OSBPL10: variants seen among roughly 807,000 people sequenced by gnomAD.
OSBPL10 encodes oxysterol-binding protein-related protein 10.
Under a neutral mutation model 81.7 loss-of-function variants are expected in OSBPL10, and 49 were observed. That is an observed-to-expected ratio of 0.60 (90% CI 0.48 to 0.76). OSBPL10 has a LOEUF of 0.76. OSBPL10 is among the 30% of genes least tolerant of loss of function. The probability of loss-of-function intolerance (pLI) is 0.00; values close to 1 mark genes in which losing one functional copy is unlikely to be tolerated. For synonymous variants in OSBPL10, 419 were observed against 383.6 expected (o/e 1.09, Z -1.08); for missense variants, 923 against 987.8 (o/e 0.93, Z 0.88).
intron 1 of OSBPL10, among the ~76,000 whole-genome samples, chr3:31,882,905 T>C (rs928934111): frequency 6.6e-6 from 1 of 152,186 alleles, no homozygotes; most frequent in African/African-American, 2.4e-5. Context: ...TATTTTCAGA[T>C]CCTTCTACTT....
At chr3:31,787,965 T>C (rs1343172356) in intron 4 of OSBPL10, among the ~76,000 whole-genome samples, 1 of 151,990 alleles carries the variant, frequency 6.6e-6, no homozygotes, top group Non-Finnish European at 1.5e-5. Context: ...AATGGAAACA[T>C]ATATTAAGTA....
chr3:31,827,822 T>C (rs1039507012), intron 4 of OSBPL10, among the ~76,000 whole-genome samples: 1 of 152,210 alleles, frequency 6.6e-6, no homozygotes, highest in African/African-American at 2.4e-5. Flanking sequence ...ACTTGCATTA[T>C]AGAATTTATA....
intron 4 of OSBPL10, among the ~76,000 whole-genome samples, chr3:31,777,362 G>A (rs540393582): frequency 2.0e-4 from 30 of 152,244 alleles, no homozygotes; most frequent in African/African-American, 6.7e-4. Context: ...TCTTTTTGAG[G>A]TGTGTGAGTG....
chr3:31,782,432 T>C (rs1438347188), intron 4 of OSBPL10, among the ~76,000 whole-genome samples: 1 of 152,120 alleles, frequency 6.6e-6, no homozygotes, highest in Admixed American at 6.5e-5. Context: ...AACAAAAAGA[T>C]AAATAGATGG....
chr3:31,789,699 T>C (rs1027121432), intron 4 of OSBPL10, among the ~76,000 whole-genome samples: 7 of 152,162 alleles, frequency 4.6e-5, no homozygotes, highest in Admixed American at 1.3e-4. Flanking sequence ...CACAGCACCA[T>C]AGGCAACGGA....
chr3:31,782,064 G>A (rs775068153), intron 4 of OSBPL10, among the ~76,000 whole-genome samples: 15 of 152,230 alleles, frequency 9.9e-5, no homozygotes, highest in African/African-American at 2.6e-4. Flanking sequence ...ACTACAAGGC[G>A]ACAGGTACCA....
At chr3:31,962,005 A>G (rs1698181333) in intron 1 of OSBPL10, among the ~76,000 whole-genome samples, 1 of 150,534 alleles carries the variant, frequency 6.6e-6, no homozygotes, top group South Asian at 2.1e-4. Flanking sequence ...CCCAGGCTGG[A>G]GTGCAGTGGT....
intron 2 of OSBPL10, among the ~76,000 whole-genome samples, chr3:32,028,370 T>C (rs1358214070): frequency 6.6e-6 from 1 of 152,196 alleles, no homozygotes; most frequent in African/African-American, 2.4e-5. Flanking sequence ...CCTCTTGCAT[T>C]TTCTCTATCT....
intron 1 of OSBPL10, among the ~76,000 whole-genome samples, chr3:31,894,034 T>G (rs1695984030): frequency 6.6e-6 from 1 of 152,206 alleles, no homozygotes; most frequent in Admixed American, 6.5e-5. Flanking sequence ...TTAATACAAG[T>G]GATATCTACA....
At chr3:31,692,773 G>C (rs1203892993) in intron 7 of OSBPL10, among the ~76,000 whole-genome samples, 1 of 152,208 alleles carries the variant, frequency 6.6e-6, no homozygotes, top group Non-Finnish European at 1.5e-5. Flanking sequence ...ACTGCCCAGA[G>C]AGGTTTTGCA....
At chr3:32,040,435 A>G (rs1171382088) in intron 2 of OSBPL10, among the ~76,000 whole-genome samples, 1 of 151,790 alleles carries the variant, frequency 6.6e-6, no homozygotes, top group Non-Finnish European at 1.5e-5. Context: ...AATTAGCCAG[A>G]TGTGGTGGCA....
At position 31,850,956 on chromosome 3, in the gene OSBPL10, G is replaced by GCATATAAT. The variant is rs557991604; in HGVS notation, c.538-20733_538-20726dup. 6.6e-5 allele frequency among the ~76,000 whole-genome samples: 10 copies of GCATATAAT among 152,278 alleles called. No homozygotes were observed. In the South Asian group the frequency reaches 1.7e-3, roughly 25 times the overall value. The stretch of plus-strand genomic sequence containing the variant: ...CTGCCTCCATTAATGTGGTGTGTCT[G>GCATATAAT]CATATAATTTGGTTATTAAGAAGTA... On this transcript the variant is annotated intron_variant, in intron 3 of 11. Transcript: ENST00000396556.
intron 2 of OSBPL10, among the ~76,000 whole-genome samples, chr3:31,997,276 T>C (rs1443447261): frequency 3.3e-5 from 5 of 151,892 alleles, no homozygotes; most frequent in Admixed American, 2.0e-4. Context: ...TTTTTTTTTT[T>C]CAAGATGGAG....
intron 1 of OSBPL10, among the ~76,000 whole-genome samples, chr3:31,978,033 C>G (rs1170628942): frequency 6.6e-6 from 1 of 152,126 alleles, no homozygotes; most frequent in Non-Finnish European, 1.5e-5. Flanking sequence ...GATGAGGCTA[C>G]AAATAAAGGC....
At chr3:31,825,647 G>A (rs1700082468) in intron 4 of OSBPL10, among the ~76,000 whole-genome samples, 1 of 152,148 alleles carries the variant, frequency 6.6e-6, no homozygotes, top group South Asian at 2.1e-4. Flanking sequence ...TGCAATAAAT[G>A]ACTCTTTATT....
intron 1 of OSBPL10, among the ~76,000 whole-genome samples, chr3:31,945,956 T>C (rs138377132): frequency 3.3e-5 from 5 of 152,072 alleles, no homozygotes; most frequent in Admixed American, 1.3e-4. Context: ...ATTGCCTGAA[T>C]CAACAGACAC....
intron 2 of OSBPL10, chr3:31,989,837 T>C (rs1259199431): frequency 6.2e-7 from 1 of 1,613,920 alleles, no homozygotes; most frequent in Non-Finnish European, 8.5e-7. Flanking sequence ...ATAATCTATT[T>C]AGGAGGGAAA....
chr3:31,891,795 T>C (rs182142138), intron 1 of OSBPL10, among the ~76,000 whole-genome samples: 8 of 152,262 alleles, frequency 5.3e-5, no homozygotes, highest in African/African-American at 1.9e-4. Flanking sequence ...GATAAGTTTA[T>C]TCAGGTAATG....
At chr3:31,679,285 A>G (rs890011259) in intron 8 of OSBPL10, among the ~76,000 whole-genome samples, 13 of 152,056 alleles carry the variant, frequency 8.5e-5, no homozygotes, top group African/African-American at 3.1e-4. Flanking sequence ...CCTCCTTCCT[A>G]CTTTGTCTCT....
Sources: gnomAD v4.1 joint callset for allele counts (sites outside exome capture counted in the v4.1 genomes callset) on GRCh38, gnomAD v4.1.1 for gene constraint, MANE v1.5 for transcripts, NCBI Gene and HGNC (gene_info 2026-07-23, HGNC 2026-07-21) for gene names.